Variants in WFS1 observed in about 807,000 individuals in gnomAD.
WFS1 encodes the protein wolframin ER transmembrane glycoprotein, also known as wolframin.
Under a neutral mutation model 68.5 loss-of-function variants are expected in WFS1, and 90 were observed. That is an observed-to-expected ratio of 1.31 (90% CI 1.11 to 1.56). The LOEUF (loss-of-function observed/expected upper bound fraction) is 1.56, where lower values mean the gene tolerates loss of function less well. WFS1 is among the 40% of genes most tolerant of loss of function. The pLI, the probability that WFS1 is intolerant of heterozygous loss-of-function variation, is 0.00. For missense variants in WFS1, 1,767 were observed against 1,232.6 expected (o/e 1.43, Z -6.49); for synonymous variants, 860 against 540.7 (o/e 1.59, Z -8.19).
intron 7 of WFS1, among the ~76,000 whole-genome samples, chr4:6,299,966 TGTGTGC>T (rs1470231689): frequency 6.7e-6 from 1 of 149,132 alleles, no homozygotes; most frequent in Non-Finnish European, 1.5e-5. Context: ...TGCGTGTGTG[TGTGTGC>T]ACGTGTGTGT....
At chr4:6,279,403 G>A (rs564333633) in intron 2 of WFS1, among the ~76,000 whole-genome samples, 13 of 152,332 alleles carry the variant, frequency 8.5e-5, no homozygotes, top group South Asian at 6.2e-4. Context: ...ATGGGAAACC[G>A]AGGGATAGAG....
chr4:6,297,891 C>T (rs564665205), intron 7 of WFS1, among the ~76,000 whole-genome samples: 2 of 152,128 alleles, frequency 1.3e-5, no homozygotes, highest in South Asian at 4.1e-4. Flanking sequence ...AAAAGGGGAT[C>T]GTTCCCTGGT....
In WFS1 at chr4:6,287,221, C is replaced by A; in HGVS notation, c.315+46C>A. Reference sequence around the variant, plus strand: ...AGGGACTTCGGGACGCGGCCCCCGGCACAACAGGCCTGGCCACGAGCTCCA... The same window carrying A: ...AGGGACTTCGGGACGCGGCCCCCGGAACAACAGGCCTGGCCACGAGCTCCA... On this transcript the variant is annotated intron_variant, in intron 3 of 7. Coordinates refer to ENST00000226760, the MANE Select transcript of WFS1 (RefSeq NM_006005.3). The surrounding 1 kb of genome is among the most constrained non-coding windows in gnomAD (Gnocchi z 6.4). The A allele has an allele frequency of 6.7e-7, 1 of 1,499,776 alleles. No homozygotes were observed. Among genetic ancestry groups the A allele is most frequent in the Non-Finnish European group, 9.1e-7 (1 of 1,101,790 alleles). 92.9% of individuals were successfully genotyped at this position (1,499,776 alleles called of 1,614,324 possible).
At chr4:6,298,715 A>T (rs1325503618) in intron 7 of WFS1, among the ~76,000 whole-genome samples, 1 of 152,166 alleles carries the variant, frequency 6.6e-6, no homozygotes, top group African/African-American at 2.4e-5. Context: ...TCTGTGGAAG[A>T]CTCAGTCTTC....
intron 7 of WFS1, among the ~76,000 whole-genome samples, chr4:6,297,268 G>T (rs1430591805): frequency 6.6e-6 from 1 of 152,176 alleles, no homozygotes; most frequent in East Asian, 1.9e-4. Context: ...TTGTGAGGGA[G>T]GCAATGAATC....
At chr4:6,274,532 C>T (rs1324148931) in intron 1 of WFS1, among the ~76,000 whole-genome samples, 2 of 152,100 alleles carry the variant, frequency 1.3e-5, no homozygotes, top group Non-Finnish European at 2.9e-5. Flanking sequence ...GCTGTAACCT[C>T]TAGCAGAGGG....
chr4:6,302,170 G>T lies in WFS1; in HGVS notation c.2375G>T (p.Ser792Ile). 1 of 1,612,708 alleles carries T rather than the reference G, an allele frequency of 6.2e-7. No individual in the cohort carries two copies. Among genetic ancestry groups the T allele is most frequent in the South Asian group, 1.1e-5 (1 of 91,074 alleles). Reference protein sequence around the residue: ...PFSSGADGSRSREEDDVTKDI... With the variant: ...PFSSGADGSRIREEDDVTKDI... ...AGCAGCGGCGCTGACGGCTCGCGCA[G>T]CCGCGAGGAGGACGACGTCACCAAG... is the stretch of plus-strand genomic sequence containing the variant. The change falls in exon 8 of 8, where the codon AGC (serine) becomes ATC (isoleucine). Residue 792 changes from serine (S) to isoleucine (I), a missense_variant. By Grantham distance (142) the Ser-to-Ile change is moderately radical. Coordinates refer to ENST00000226760, the MANE Select transcript of WFS1 (RefSeq NM_006005.3).
rs1405752612 is a variant in WFS1 at position 6,301,932 on chromosome 4, G to A, written c.2137G>A (p.Asp713Asn). The A allele has an allele frequency of 1.6e-5, 25 of 1,612,756 alleles. No homozygotes were observed. Among genetic ancestry groups the A allele is most frequent in the East Asian group, 2.2e-5 (1 of 44,880 alleles). ...CAAGTACGTCCGCGTGACTGACATCGACAACAGCGCCGAGTCTGCCATCAA... is the reference window on the plus strand; with the variant it reads ...CAAGTACGTCCGCGTGACTGACATCAACAACAGCGCCGAGTCTGCCATCAA... ...RFKYVRVTDI[D>N]NSAESAINML... The change falls in exon 8 of 8, where the codon GAC becomes AAC. Residue 713 changes from aspartate to asparagine, a missense_variant. By Grantham distance (23) the Asp-to-Asn change is conservative. Coordinates refer to ENST00000226760, the MANE Select transcript of WFS1 (RefSeq NM_006005.3).
chr4:6,270,624 C>G (rs557601963), intron 1 of WFS1, among the ~76,000 whole-genome samples: 1 of 152,346 alleles, frequency 6.6e-6, no homozygotes, highest in Non-Finnish European at 1.5e-5. Flanking sequence ...TCAGTGGCAG[C>G]ACCTGGACCC....
intron 2 of WFS1, among the ~76,000 whole-genome samples, chr4:6,280,568 G>A (rs957272195): frequency 3.3e-5 from 5 of 152,200 alleles, no homozygotes; most frequent in African/African-American, 1.2e-4. Flanking sequence ...GTTTAGCCCT[G>A]GGGCTAAAGG....
chr4:6,275,367 TC>T lies in WFS1; in HGVS notation c.-5-2083del. Among the ~76,000 whole-genome samples the T allele has an allele frequency of 2.0e-5, 3 of 152,322 alleles. No homozygotes were observed. The Middle Eastern group carries it at 0.01, about 518-fold the overall frequency. Reference sequence around the variant, plus strand: ...TTCTGTTTGCCCACAGCGTGTGGGTTCTACGTGCGATCCTGTATTTCTCTGC... The same window carrying T: ...TTCTGTTTGCCCACAGCGTGTGGGTTTACGTGCGATCCTGTATTTCTCTGC... On this transcript the variant is annotated intron_variant, in intron 1 of 7. Transcript: ENST00000226760.
intron 7 of WFS1, among the ~76,000 whole-genome samples, chr4:6,299,208 T>C (rs951162523): frequency 1.3e-5 from 2 of 152,238 alleles, no homozygotes; most frequent in Non-Finnish European, 2.9e-5. Context: ...CAGGAAGGCA[T>C]GAGGGCTGGC....
intron 2 of WFS1, among the ~76,000 whole-genome samples, chr4:6,284,738 T>C (rs1481507249): frequency 6.6e-6 from 1 of 151,468 alleles, no homozygotes; most frequent in African/African-American, 2.4e-5. Context: ...AACCATCCTA[T>C]CAGATTGATG....
intron 2 of WFS1, among the ~76,000 whole-genome samples, chr4:6,278,943 G>GTTT (rs1730075894): frequency 6.6e-6 from 1 of 152,270 alleles, no homozygotes; most frequent in Non-Finnish European, 1.5e-5. Context: ...CAGAGTCCAA[G>GTTT]ACTGTGTGTT....
In WFS1 at chr4:6,287,329, G is replaced by A. The variant is rs775994071; in HGVS notation, c.315+154G>A. 6.3e-5 allele frequency: 44 copies of A among 702,274 alleles called. No individual in the cohort carries two copies. In the Admixed American group the frequency reaches 8.9e-4, roughly 14 times the overall value. 43.5% of individuals were successfully genotyped at this position (702,274 alleles called of 1,614,324 possible). ...CCTACCCCACTTGAGCCCCATGTTG[G>A]TAGGGTGCCCATGTTCACTGTGCCA... On this transcript the variant is annotated intron_variant, in intron 3 of 7. Coordinates refer to ENST00000226760, the MANE Select transcript of WFS1 (RefSeq NM_006005.3). This position sits in a 1 kb window ranked among gnomAD's most constrained non-coding sequence, Gnocchi z 6.4.
At chr4:6,288,245 T>A (rs1730366372) in intron 3 of WFS1, among the ~76,000 whole-genome samples, 1 of 151,018 alleles carries the variant, frequency 6.6e-6, no homozygotes, top group Non-Finnish European at 1.5e-5. Flanking sequence ...ATTTCTTTCC[T>A]GACCTCACAG....
intron 1 of WFS1, among the ~76,000 whole-genome samples, chr4:6,271,990 C>T (rs1334856973): frequency 1.3e-5 from 2 of 152,200 alleles, no homozygotes; most frequent in African/African-American, 2.4e-5. Context: ...GCTGCCTCCT[C>T]TTCTGGGCAC....
At chr4:6,277,251 G>A (rs767192920) in intron 1 of WFS1, among the ~76,000 whole-genome samples, 200 bp from the exon 2 acceptor site, 64 of 152,360 alleles carry the variant, frequency 4.2e-4, no homozygotes, top group African/African-American at 8.4e-4. Flanking sequence ...GTAGAGTCAC[G>A]TGGGTGAGTG....
rs1433489980 is a variant in WFS1 at position 6,302,087 on chromosome 4, C to G, written c.2292C>G (p.Pro764=). Residue 764 remains proline (P), a synonymous_variant, in exon 8 of 8, where the codon CCC becomes CCG. Coordinates refer to ENST00000226760, the MANE Select transcript of WFS1 (RefSeq NM_006005.3). ...GCCTTAAGCTGCTGGCCAAGCACCC[C>G]TGCCACATCAAGAAGTTCGACCGCT... ...LCRLKLLAKH[P]CHIKKFDRYK... The G allele has an allele frequency of 6.2e-7, 1 of 1,612,924 alleles. No homozygotes were observed. The highest frequency in any genetic ancestry group is 2.2e-5 in the East Asian group (1 of 44,874).
Sources: gnomAD v4.1 joint callset for allele counts (sites outside exome capture counted in the v4.1 genomes callset) on GRCh38, gnomAD v4.1.1 for gene constraint, Gnocchi (gnomAD v3.1) non-coding constraint, MANE v1.5 for transcripts, NCBI Gene and HGNC (gene_info 2026-07-23, HGNC 2026-07-21) for gene names.